The following GRM7 variants were observed in gnomAD, a reference collection of about 807,000 sequenced individuals.
GRM7 encodes the protein glutamate metabotropic receptor 7.
A neutral mutation model predicts 84.5 loss-of-function variants in GRM7; 35 were observed. The observed-to-expected ratio is 0.41, with a 90% CI of 0.32 to 0.55. The LOEUF is 0.55. Ranked by LOEUF, GRM7 falls within the 20% of genes least tolerant of loss-of-function variation. The pLI is 0.19. For missense variants in GRM7, 1,003 were observed against 1,194.6 expected (o/e 0.84, Z 2.36); for synonymous variants, 487 against 455.1 (o/e 1.07, Z -0.89).
chr3:7,653,172 A>G (rs1699027829), intron 8 of GRM7, among the ~76,000 whole-genome samples: 1 of 134,118 alleles, frequency 7.5e-6, no homozygotes, highest in Non-Finnish European at 1.5e-5. Context: ...ATTGTAACAT[A>G]CTATATCCTT....
intron 8 of GRM7, among the ~76,000 whole-genome samples, chr3:7,666,569 T>C (rs923231736): frequency 4.6e-5 from 7 of 152,146 alleles, no homozygotes; most frequent in African/African-American, 1.7e-4. Flanking sequence ...CTCTGCACGA[T>C]GCAAGTCCAT....
At chr3:6,924,031 A>G (rs1697217534) in intron 1 of GRM7, among the ~76,000 whole-genome samples, 1 of 152,218 alleles carries the variant, frequency 6.6e-6, no homozygotes, top group Admixed American at 6.5e-5. Context: ...AACTTTTTAG[A>G]TTTGCTAGCT....
At chr3:7,593,081 A>G (rs1285563069) in intron 8 of GRM7, among the ~76,000 whole-genome samples, 6 of 152,340 alleles carry the variant, frequency 3.9e-5, no homozygotes, top group Admixed American at 3.9e-4. Context: ...ATCTTTTCAA[A>G]TGCATCCTTC....
intron 4 of GRM7, among the ~76,000 whole-genome samples, chr3:7,400,363 A>G (rs1205977620): frequency 2.6e-5 from 4 of 152,152 alleles, no homozygotes; most frequent in African/African-American, 9.7e-5. Flanking sequence ...AGCTATTATC[A>G]CAGTATGCAT....
chr3:6,993,577 C>T (rs1467330848), intron 1 of GRM7, among the ~76,000 whole-genome samples: 2 of 152,162 alleles, frequency 1.3e-5, no homozygotes, highest in East Asian at 3.9e-4. Context: ...ATTTAATGGT[C>T]TTAACTTGAA....
At chr3:7,335,249 C>T (rs771051183) in intron 4 of GRM7, among the ~76,000 whole-genome samples, 84 of 152,132 alleles carry the variant, frequency 5.5e-4, no homozygotes, top group African/African-American at 1.5e-3. Flanking sequence ...TGGAAACTAA[C>T]TCCAAGAGGA....
intron 1 of GRM7, among the ~76,000 whole-genome samples, chr3:7,007,619 C>G (rs1459002958): frequency 6.6e-6 from 1 of 152,120 alleles, no homozygotes; most frequent in East Asian, 1.9e-4. Context: ...TCTCAGTTGC[C>G]AACTCCTGTC....
At chr3:7,641,796 T>C (rs1018893741) in intron 8 of GRM7, among the ~76,000 whole-genome samples, 7 of 152,142 alleles carry the variant, frequency 4.6e-5, no homozygotes, top group Non-Finnish European at 8.8e-5. Flanking sequence ...CAAATACATA[T>C]AAAAGACAAG....
intron 9 of GRM7, among the ~76,000 whole-genome samples, chr3:7,708,008 G>A (rs1290198566): frequency 2.1e-5 from 3 of 141,892 alleles, no homozygotes; most frequent in Non-Finnish European, 4.5e-5. Context: ...CTCAGAGACT[G>A]AATTTTGAGT....
intron 2 of GRM7, among the ~76,000 whole-genome samples, chr3:7,174,117 AG>A (rs1695069623): frequency 6.6e-6 from 1 of 152,190 alleles, no homozygotes; most frequent in Non-Finnish European, 1.5e-5. Flanking sequence ...AAATAAGACT[AG>A]GGGTGGGAGT....
At chr3:7,209,292 A>T (rs186753461) in intron 2 of GRM7, among the ~76,000 whole-genome samples, 26 of 152,328 alleles carry the variant, frequency 1.7e-4, no homozygotes, top group African/African-American at 6.0e-4. Context: ...TGTAACTTGA[A>T]TACTGTTTGA....
chr3:7,678,043 G>A (rs1700206191), intron 8 of GRM7, among the ~76,000 whole-genome samples: 1 of 152,114 alleles, frequency 6.6e-6, no homozygotes, highest in Admixed American at 6.5e-5. Context: ...GGGTAGTCAT[G>A]GAGATAAAGA....
At chr3:7,621,431 C>G (rs190072889) in intron 8 of GRM7, among the ~76,000 whole-genome samples, 3 of 152,012 alleles carry the variant, frequency 2.0e-5, no homozygotes, top group Non-Finnish European at 4.4e-5. Context: ...TAAACACAAA[C>G]GTGGACCCTG....
intron 2 of GRM7, among the ~76,000 whole-genome samples, chr3:7,248,438 G>A (rs543039020): frequency 5.5e-4 from 83 of 152,184 alleles, no homozygotes; most frequent in African/African-American, 1.9e-3. Flanking sequence ...GAGGAGTATC[G>A]GAATAATACT....
chr3:6,901,604 T>TAAAAA (rs33945077), intron 1 of GRM7, among the ~76,000 whole-genome samples: 1,513 of 40,416 alleles, frequency 0.037, 150 homozygotes, highest in Non-Finnish European at 0.045. Context: ...AGACTCCGTC[T>TAAAAA]AAAAAAAAAA....
At chr3:7,332,018 C>T (rs1198982420) in intron 4 of GRM7, among the ~76,000 whole-genome samples, 3 of 152,064 alleles carry the variant, frequency 2.0e-5, no homozygotes, top group African/African-American at 2.4e-5. Flanking sequence ...TGGTAGGAAA[C>T]GGTCAAGTTA....
intron 1 of GRM7, among the ~76,000 whole-genome samples, chr3:7,129,929 A>G (rs1041366320): frequency 1.2e-4 from 19 of 152,214 alleles, no homozygotes; most frequent in African/African-American, 4.1e-4. Context: ...GAAATCACAT[A>G]TACAGAGGGA....
intron 8 of GRM7, among the ~76,000 whole-genome samples, chr3:7,661,001 CTA>C (rs1318860643): frequency 6.6e-6 from 1 of 152,156 alleles, no homozygotes; most frequent in Non-Finnish European, 1.5e-5. Flanking sequence ...AAAACCTAAA[CTA>C]TAAAACTTCC....
chr3:7,679,528 A>T (rs162804), intron 8 of GRM7, among the ~76,000 whole-genome samples: 12,683 of 152,228 alleles, frequency 0.083, 821 homozygotes, highest in African/African-American at 0.18. Flanking sequence ...TTTTCAGAGA[A>T]AGTCAACTCA....
Sources: gnomAD v4.1 joint callset for allele counts (sites outside exome capture counted in the v4.1 genomes callset) on GRCh38, gnomAD v4.1.1 for gene constraint, MANE v1.5 for transcripts, NCBI Gene and HGNC (gene_info 2026-07-23, HGNC 2026-07-21) for gene names.